The following ASPG variants were observed in gnomAD, a reference collection of about 807,000 sequenced individuals.
ASPG encodes asparaginase, also known as 60 kDa lysophospholipase.
Under a neutral mutation model 63.2 loss-of-function variants are expected in ASPG, and 53 were observed. That is an observed-to-expected ratio of 0.84 (90% CI 0.67 to 1.05). The LOEUF is 1.05. ASPG is among the 50% of genes least tolerant of loss of function. The pLI is 0.00. For missense variants in ASPG, 741 were observed against 794.4 expected (o/e 0.93, Z 0.81); for synonymous variants, 370 against 355.0 (o/e 1.04, Z -0.48).
In ASPG at chr14:104,110,883, C is replaced by A. The variant is rs1043334803; in HGVS notation, c.1521-619C>A. The A allele has an allele frequency of 3.0e-6, 3 of 985,258 alleles. No homozygotes were observed. The African/African-American group carries it at 5.2e-5, about 17-fold the overall frequency. The allele number at this position is 985,258 out of a possible 1,614,324, so 61.0% of individuals were successfully genotyped here. On this transcript the variant is annotated intron_variant, in intron 13 of 15. Transcript: ENST00000551177. This position sits in a 1 kb window ranked among gnomAD's most constrained non-coding sequence, Gnocchi z 4.7. ...CAGGGTGAGGAGGAGCTGGTGAGGGCCTGGCAGGTGCTCCCCACTCCAGGG... is the reference window on the plus strand; with the variant it reads ...CAGGGTGAGGAGGAGCTGGTGAGGGACTGGCAGGTGCTCCCCACTCCAGGG...
intron 1 of ASPG, among the ~76,000 whole-genome samples, chr14:104,087,558 G>A (rs995601553): frequency 1.3e-5 from 2 of 152,214 alleles, no homozygotes; most frequent in African/African-American, 2.4e-5. Context: ...CCTGCAAGGT[G>A]CAGGAAAGAG....
intron 15 of ASPG, 100 bp downstream of exon 15, chr14:104,112,100 G>T: frequency 8.6e-7 from 1 of 1,166,254 alleles, no homozygotes. Context: ...AACAGAACCG[G>T]AGGAGGCTGA....
intron 6 of ASPG, among the ~76,000 whole-genome samples, 191 bp from the exon 7 acceptor site, chr14:104,103,372 A>G (rs1467844): frequency 0.11 from 17,069 of 152,326 alleles, 1,253 homozygotes; most frequent in Non-Finnish European, 0.17. Context: ...AGCCTGGCAC[A>G]GGCCGGACTG....
In ASPG at chr14:104,091,808, G is replaced by C. The variant is rs376493326; in HGVS notation, c.83-825G>C. On this transcript the variant is annotated intron_variant, in intron 1 of 15. Coordinates refer to ENST00000551177, the MANE Select transcript of ASPG (RefSeq NM_001080464.3). This position sits in a 1 kb window ranked among gnomAD's most constrained non-coding sequence, Gnocchi z 6.4. ...AGGATAGGATGGGGCATTGCTGCTG[G>C]GGGAGGGAAGGGAGGGCCGGGAGGG... is the stretch of plus-strand genomic sequence containing the variant. 1.3e-5 allele frequency among the ~76,000 whole-genome samples: 2 copies of C among 152,056 alleles called. No individual in the cohort carries two copies. Among genetic ancestry groups the C allele is most frequent in the African/African-American group, 4.8e-5 (2 of 41,442 alleles).
rs1596120600 is a variant in ASPG, at chr14:104,115,185, C to CCCTTCCCCAGCTGG, written c.*2642_*2655dup. 1 of 152,214 alleles carries CCCTTCCCCAGCTGG rather than the reference C, an allele frequency of 6.6e-6. No individual in the cohort carries two copies. Among genetic ancestry groups the CCCTTCCCCAGCTGG allele is most frequent in the East Asian group, 1.9e-4 (1 of 5,206 alleles). 9.4% of individuals were successfully genotyped at this position (152,214 alleles called of 1,614,324 possible). On this transcript the variant is annotated 3_prime_UTR_variant, in exon 16 of 16. Transcript: ENST00000551177. ...CTCAGCTGAGGGCCCTCCAGGACCG[C>CCCTTCCCCAGCTGG]CCTTCCCCAGCTGGAGGTAACCAGA...
At chr14:104,101,376 C>T (rs2036868274) in intron 6 of ASPG, among the ~76,000 whole-genome samples, 1 of 152,138 alleles carries the variant, frequency 6.6e-6, no homozygotes. Context: ...TTGTCCTGGG[C>T]TTTTTACCCA....
At chr14:104,090,985 C>T (rs547603188) in intron 1 of ASPG, among the ~76,000 whole-genome samples, 1 of 152,328 alleles carries the variant, frequency 6.6e-6, no homozygotes, top group African/African-American at 2.4e-5. Flanking sequence ...CCCGCCTCAA[C>T]CTCCCAAGTA....
chr14:104,101,218 A>G (rs1424987488), intron 6 of ASPG, among the ~76,000 whole-genome samples: 1 of 152,140 alleles, frequency 6.6e-6, no homozygotes, highest in Non-Finnish European at 1.5e-5. Context: ...AGTGTTGAGA[A>G]ACCTCAGGCC....
At position 104,091,693 on chromosome 14, in the gene ASPG, GT is replaced by G. The variant is rs2036372154; in HGVS notation, c.83-937del. ...AGAGGGGGCTGCTTTAACTTGCCAA[GT>G]TTGGGGTTAATTTGTGAGCCAGTGA... On this transcript the variant is annotated intron_variant, in intron 1 of 15. Coordinates refer to ENST00000551177, the MANE Select transcript of ASPG (RefSeq NM_001080464.3). This position sits in a 1 kb window ranked among gnomAD's most constrained non-coding sequence, Gnocchi z 6.4. Among the ~76,000 whole-genome samples, 1 of 152,060 alleles carries G rather than the reference GT, an allele frequency of 6.6e-6. No individual in the cohort carries two copies.
At chr14:104,111,260 T>G in intron 13 of ASPG, 2 of 893,658 alleles carry the variant, frequency 2.2e-6, no homozygotes, top group Non-Finnish European at 2.7e-6. Flanking sequence ...TGTGCATGTG[T>G]GTTCATGTAT....
Position 104,104,610 on chromosome 14 carries a change from C to G in ASPG, c.937-12C>G. On this transcript the variant is annotated splice_polypyrimidine_tract_variant and intron_variant, in intron 8 of 15. Transcript: ENST00000551177. ...GAGTCGCCCTTCCTGCCCACACGCC[C>G]CCTCCTCACAGGCCATGGCGGGAGC... 1 of 1,600,600 alleles carries G rather than the reference C, an allele frequency of 6.2e-7. No homozygotes were observed. Among genetic ancestry groups the G allele is most frequent in the African/African-American group, 1.3e-5 (1 of 74,832 alleles).
At position 104,112,732 on chromosome 14, in the gene ASPG, T is replaced by TGAGA; in HGVS notation, c.*190_*193dup. 7.5e-7 allele frequency: 1 copy of TGAGA among 1,326,038 alleles called. No individual in the cohort carries two copies. Among genetic ancestry groups the TGAGA allele is most frequent in the Non-Finnish European group, 1.0e-6 (1 of 974,946 alleles). The allele number at this position is 1,326,038 out of a possible 1,614,324, so 82.1% of individuals were successfully genotyped here. On this transcript the variant is annotated 3_prime_UTR_variant, in exon 16 of 16. Coordinates refer to ENST00000551177, the MANE Select transcript of ASPG (RefSeq NM_001080464.3). ...TCACCAGGTCTGTACAGCCTGGCTCTGAGAGGCTCTGTCTGGGTCCGGGAC... is the reference window on the plus strand; with the variant it reads ...TCACCAGGTCTGTACAGCCTGGCTCTGAGAGAGAGGCTCTGTCTGGGTCCGGGAC...
At chr14:104,088,939 T>C (rs1048738401) in intron 1 of ASPG, among the ~76,000 whole-genome samples, 3 of 152,178 alleles carry the variant, frequency 2.0e-5, no homozygotes, top group African/African-American at 7.2e-5. Flanking sequence ...CCCTTGAAGC[T>C]TTTGGAGGGC....
intron 9 of ASPG, chr14:104,104,976 G>C: frequency 1.7e-6 from 1 of 579,156 alleles, no homozygotes; most frequent in Non-Finnish European, 3.0e-6. Flanking sequence ...TTCTCAGACT[G>C]CATGGAGACC....
chr14:104,101,154 G>C (rs1185335387), intron 6 of ASPG, among the ~76,000 whole-genome samples: 1 of 152,164 alleles, frequency 6.6e-6, no homozygotes. Context: ...TGTTTCCCAC[G>C]TGCGTGTGGG....
rs112598233 is a variant in ASPG, at chr14:104,110,941, C to A, written c.1521-561C>A. The A allele has an allele frequency of 2.1e-5, 21 of 985,372 alleles. No individual in the cohort carries two copies. The African/African-American group carries it at 3.1e-4, about 15-fold the overall frequency. The allele number at this position is 985,372 out of a possible 1,614,324, so 61.0% of individuals were successfully genotyped here. ...GCCCAGACCCCTGTCCCAGCCAGGA[C>A]CCCCCCATGCAGTCTGCCGGGGTCC... is the stretch of plus-strand genomic sequence containing the variant. On this transcript the variant is annotated intron_variant, in intron 13 of 15. Transcript: ENST00000551177. This position sits in a 1 kb window ranked among gnomAD's most constrained non-coding sequence, Gnocchi z 4.7.
At position 104,085,856 on chromosome 14, in the gene ASPG, A is replaced by C; in HGVS notation, c.82+4A>C. ...GGCATGCGGAGTGAGCTCGGCGGTG[A>C]GTCCGAGACCCTGGGCGGGGTAGGC... is the stretch of plus-strand genomic sequence containing the variant. On this transcript the variant is annotated splice_donor_region_variant and intron_variant, in intron 1 of 15. Coordinates refer to ENST00000551177, the MANE Select transcript of ASPG (RefSeq NM_001080464.3). 6.3e-7 allele frequency: 1 copy of C among 1,581,302 alleles called. No individual in the cohort carries two copies. The highest frequency in any genetic ancestry group is 8.5e-7 in the Non-Finnish European group (1 of 1,170,556).
In ASPG at chr14:104,110,560, C is replaced by T; in HGVS notation, c.1521-942C>T. 1 of 985,218 alleles carries T rather than the reference C, an allele frequency of 1.0e-6. No homozygotes were observed. Among genetic ancestry groups the T allele is most frequent in the Non-Finnish European group, 1.2e-6 (1 of 829,784 alleles). The allele number at this position is 985,218 out of a possible 1,614,324, so 61.0% of individuals were successfully genotyped here. A position where few individuals can be genotyped will look rare whatever the true frequency, so the allele number is the denominator to read the frequency against. ...ACTTGAGCCCCTCGGCTAGGCCTTCCTAGGGGCCGGTGTGTGTGTGGGGCT... is the reference window on the plus strand; with the variant it reads ...ACTTGAGCCCCTCGGCTAGGCCTTCTTAGGGGCCGGTGTGTGTGTGGGGCT... On this transcript the variant is annotated intron_variant, in intron 13 of 15. Coordinates refer to ENST00000551177, the MANE Select transcript of ASPG (RefSeq NM_001080464.3). The surrounding 1 kb of genome is among the most constrained non-coding windows in gnomAD (Gnocchi z 4.7).
intron 11 of ASPG, 54 bp downstream of exon 11, chr14:104,106,948 T>G: frequency 1.3e-6 from 2 of 1,504,432 alleles, no homozygotes. Flanking sequence ...GCCTGGGGGC[T>G]CTGAACCCTG....
Sources: gnomAD v4.1 joint callset for allele counts (sites outside exome capture counted in the v4.1 genomes callset) on GRCh38, gnomAD v4.1.1 for gene constraint, Gnocchi (gnomAD v3.1) non-coding constraint, MANE v1.5 for transcripts, NCBI Gene and HGNC (gene_info 2026-07-23, HGNC 2026-07-21) for gene names.